Variants in FRMPD4 observed in about 807,000 individuals in gnomAD.
FRMPD4 encodes FERM and PDZ domain containing 4.
A neutral mutation model predicts 94.1 loss-of-function variants in FRMPD4; 22 were observed. That is an observed-to-expected ratio of 0.23 (90% CI 0.17 to 0.33). FRMPD4 has a LOEUF of 0.33. Ranked by LOEUF, FRMPD4 falls within the 10% of genes least tolerant of loss-of-function variation. The pLI is 1.00. For missense variants in FRMPD4, 1,111 were observed against 1,339.9 expected (o/e 0.83, Z 2.67); for synonymous variants, 631 against 548.6 (o/e 1.15, Z -2.10).
At chrX:12,654,342 T>C (rs1380689548) in intron 4 of FRMPD4, among the ~76,000 whole-genome samples, 1 of 111,483 alleles carries the variant, frequency 9.0e-6, no homozygotes, top group Non-Finnish European at 1.9e-5. Flanking sequence ...ATCACACTTA[T>C]AGGTAGGTAG....
At position 12,282,278 on chromosome X, in the gene FRMPD4, G is replaced by A. The variant is rs755016247; in HGVS notation, c.41+143266G>A. Among the ~76,000 whole-genome samples, 18 of 112,319 alleles carry A rather than the reference G, an allele frequency of 1.6e-4. No individual in the cohort carries two copies. In the Middle Eastern group the frequency reaches 0.019, roughly 116 times the overall value. Reference sequence around the variant, plus strand: ...TTAGTAAACTGCAGGCCTGGGCCCAGGTGGGTGGGTCAGGGCAGGGAGCCA... The same window carrying A: ...TTAGTAAACTGCAGGCCTGGGCCCAAGTGGGTGGGTCAGGGCAGGGAGCCA... On this transcript the variant is annotated intron_variant, in intron 1 of 16. Coordinates refer to ENST00000675598, the MANE Select transcript of FRMPD4 (RefSeq NM_001368397.1).
chrX:12,358,769 G>A (rs1873738484), intron 1 of FRMPD4, among the ~76,000 whole-genome samples: 1 of 111,767 alleles, frequency 8.9e-6, no homozygotes, highest in African/African-American at 3.3e-5. Flanking sequence ...AAAAGGGATG[G>A]CTTCAAAAAT....
chrX:12,720,035 G>A (rs866092794), intron 16 of FRMPD4, among the ~76,000 whole-genome samples: 2 of 27,125 alleles, frequency 7.4e-5, no homozygotes, highest in Non-Finnish European at 1.6e-4. Context: ...GAAAGGAAAG[G>A]AAAGGAAAGG....
intron 3 of FRMPD4, among the ~76,000 whole-genome samples, chrX:11,900,627 C>G (rs867837496): frequency 3.4e-4 from 38 of 111,096 alleles, no homozygotes; most frequent in Middle Eastern, 4.6e-3. Context: ...GGAGCTCCCC[C>G]TGCCTATATA....
chrX:11,846,331 A>G (rs1261503897), intron 1 of FRMPD4, among the ~76,000 whole-genome samples: 2 of 108,891 alleles, frequency 1.8e-5, no homozygotes, highest in East Asian at 5.7e-4. Flanking sequence ...AAGGGACGTG[A>G]AGGACCTCTT....
chrX:12,306,095 AAAC>A (rs1397414273), intron 1 of FRMPD4, among the ~76,000 whole-genome samples: 1 of 108,837 alleles, frequency 9.2e-6, no homozygotes, highest in African/African-American at 3.3e-5. Flanking sequence ...AAAAAAAAAA[AAAC>A]AAAACCCCCC....
chrX:12,617,187 C>T (rs1391927757), intron 4 of FRMPD4, among the ~76,000 whole-genome samples: 1 of 112,047 alleles, frequency 8.9e-6, no homozygotes, highest in Non-Finnish European at 1.9e-5. Flanking sequence ...CAGCCTGCCA[C>T]GTGTTTTTGT....
At chrX:11,926,382 A>C (rs1286126081) in intron 3 of FRMPD4, among the ~76,000 whole-genome samples, 1 of 110,329 alleles carries the variant, frequency 9.1e-6, no homozygotes, top group Non-Finnish European at 1.9e-5. Context: ...TGAGGAGGAG[A>C]GACTCCACAC....
chrX:12,275,658 A>G (rs762018692), intron 1 of FRMPD4, among the ~76,000 whole-genome samples: 10 of 109,392 alleles, frequency 9.1e-5, no homozygotes, highest in African/African-American at 1.3e-4. Context: ...GGACAGCTCT[A>G]TGTGTCAGAT....
At chrX:12,323,624 TG>T (rs200880055) in intron 1 of FRMPD4, among the ~76,000 whole-genome samples, 1,445 of 111,532 alleles carry the variant, frequency 0.013, 20 homozygotes, top group African/African-American at 0.045. Context: ...TTCCTCTTTT[TG>T]TTGAACTCTT....
In FRMPD4 at chrX:12,718,443, G is replaced by T; in HGVS notation, c.3617G>T (p.Gly1206Val). 8.3e-7 allele frequency: 1 copy of T among 1,209,619 alleles called. No homozygotes were observed. The highest frequency in any genetic ancestry group is 1.1e-6 in the Non-Finnish European group (1 of 893,451). The change falls in exon 16 of 17, where the codon GGC becomes GTC. Residue 1206 changes from glycine to valine, a missense_variant. This residue lies in a region of FRMPD4 where 551 missense variants were observed against 591.6 expected (regional missense o/e 0.93). Transcript: ENST00000675598. ...CGGATGTCATCACTGCAAAGCGAGG[G>T]CCATTTTTCTCTGCAGAGCTCCCAA... ...AKRMSSLQSE[G>V]HFSLQSSQGS...
intron 2 of FRMPD4, among the ~76,000 whole-genome samples, chrX:12,577,403 AT>A (rs1479442032): frequency 1.8e-5 from 2 of 110,884 alleles, no homozygotes; most frequent in Non-Finnish European, 3.8e-5. Context: ...TAGAGGCTTC[AT>A]TTGAATTGGT....
At chrX:12,145,691 A>G (rs1208516493) in intron 1 of FRMPD4, among the ~76,000 whole-genome samples, 2 of 112,951 alleles carry the variant, frequency 1.8e-5, no homozygotes, top group Non-Finnish European at 3.7e-5. Context: ...TAGCTGTGAC[A>G]GAAACCACAT....
chrX:12,353,493 T>C lies in FRMPD4; in HGVS notation c.42-145187T>C, dbSNP rs751419927. 2.7e-5 allele frequency among the ~76,000 whole-genome samples: 3 copies of C among 112,042 alleles called. No homozygotes were observed. In the Admixed American group the frequency reaches 2.8e-4, roughly 11 times the overall value. The stretch of plus-strand genomic sequence containing the variant: ...CTAGCTGAAGCTCAAAGTATTTGAG[T>C]TGCTCATCAGAAAGTTGTTCAAGGA... On this transcript the variant is annotated intron_variant, in intron 1 of 16. Transcript: ENST00000675598.
chrX:12,201,183 T>C (rs181664478), intron 1 of FRMPD4, among the ~76,000 whole-genome samples: 1 of 112,260 alleles, frequency 8.9e-6, no homozygotes, highest in Non-Finnish European at 1.9e-5. Flanking sequence ...GAATGACAAG[T>C]TGTTTTCTAT....
At chrX:12,103,513 A>G in intron 3 of FRMPD4, among the ~76,000 whole-genome samples, 1 of 111,538 alleles carries the variant, frequency 9.0e-6, no homozygotes, top group East Asian at 2.8e-4. Context: ...TGTTGCTACT[A>G]CTCAACTCTG....
At chrX:12,215,167 G>A (rs1352400855) in intron 1 of FRMPD4, among the ~76,000 whole-genome samples, 2 of 111,556 alleles carry the variant, frequency 1.8e-5, no homozygotes, top group African/African-American at 6.5e-5. Flanking sequence ...CTCGAAGTAG[G>A]TATGTTTCCT....
chrX:12,490,805 TAGC>T (rs1183405329), intron 1 of FRMPD4, among the ~76,000 whole-genome samples: 1 of 111,800 alleles, frequency 8.9e-6, no homozygotes, highest in Non-Finnish European at 1.9e-5. Flanking sequence ...ACACAAGTAG[TAGC>T]AGGTTGTACA....
At chrX:12,547,273 A>G (rs62588967) in intron 2 of FRMPD4, among the ~76,000 whole-genome samples, 7 of 111,257 alleles carry the variant, frequency 6.3e-5, no homozygotes, top group Non-Finnish European at 1.3e-4. Flanking sequence ...ACACACAGCT[A>G]GCAAACAGCA....
Sources: allele counts gnomAD v4.1 joint callset (sites outside exome capture counted in the v4.1 genomes callset), GRCh38; gene constraint gnomAD v4.1.1; regional missense constraint gnomAD v4.1.1; transcripts MANE v1.5; gene names NCBI Gene and HGNC (gene_info 2026-07-23, HGNC 2026-07-21).